The following CEP350 variants were observed in gnomAD, a reference collection of about 807,000 sequenced individuals.
CEP350 encodes centrosome-associated protein 350.
CEP350 carries 126 observed loss-of-function variants against 331.8 expected under a neutral mutation model. The observed-to-expected ratio is 0.38, with a 90% CI of 0.33 to 0.44. The LOEUF is 0.44. Among genes scored for constraint, CEP350 ranks in the 20% least tolerant of loss-of-function variants. The pLI is 1.00. For missense variants in CEP350, 3,406 were observed against 3,634.6 expected, an observed-to-expected ratio of 0.94 and a Z score of 1.62; for synonymous variants, 1,200 against 1,259.5, an observed-to-expected ratio of 0.95 and a Z score of 1.00.
intron 14 of CEP350, among the ~76,000 whole-genome samples, chr1:180,028,700 A>G (rs759620839): frequency 2.0e-5 from 3 of 152,066 alleles, no homozygotes; most frequent in Non-Finnish European, 4.4e-5. Flanking sequence ...GCTACTGGAG[A>G]GGCTCAGGTG....
chr1:180,064,821 C>A (rs1230069452), intron 26 of CEP350, among the ~76,000 whole-genome samples: 1 of 151,940 alleles, frequency 6.6e-6, no homozygotes, highest in Non-Finnish European at 1.5e-5. Flanking sequence ...TACTAGATTA[C>A]TAATAGCAGA....
chr1:180,108,018 T>A (rs1661242258), intron 37 of CEP350, among the ~76,000 whole-genome samples: 1 of 151,776 alleles, frequency 6.6e-6, no homozygotes, highest in Non-Finnish European at 1.5e-5. Context: ...TAGAGGCAAA[T>A]TTGCAGGCTA....
At chr1:179,969,638 T>C (rs1651287421) in intron 1 of CEP350, 1 of 318,136 alleles carries the variant, frequency 3.1e-6, no homozygotes, top group Non-Finnish European at 6.2e-6. Context: ...AAGTGATCAG[T>C]GTGTCTGCTT....
chr1:180,041,415 T>C (rs898379912), intron 18 of CEP350, among the ~76,000 whole-genome samples, 167 bp downstream of exon 18: 6 of 152,218 alleles, frequency 3.9e-5, no homozygotes, highest in Non-Finnish European at 7.3e-5. Flanking sequence ...TGTTACAACC[T>C]TGTGAAATAA....
chr1:180,071,706 T>A (rs961881012), intron 27 of CEP350, among the ~76,000 whole-genome samples: 1 of 151,634 alleles, frequency 6.6e-6, no homozygotes, highest in East Asian at 1.9e-4. Flanking sequence ...TCGCTGAACC[T>A]GGGAGGTGGA....
rs1284071786 is a variant in CEP350, at chr1:180,037,021, G to C, written c.4042G>C (p.Asp1348His). Residue 1348 changes from aspartate (D) to histidine (H), a missense_variant, in exon 17 of 38, where the codon GAT becomes CAT. Physicochemically the swap from Asp to His is moderately conservative, Grantham distance 81 (BLOSUM62 -1). Coordinates refer to ENST00000367607, the MANE Select transcript of CEP350 (RefSeq NM_014810.5). Reference protein sequence around the residue: ...AIEESVRQLSDVERVRGISLA... With the variant: ...AIEESVRQLSHVERVRGISLA... Reference sequence around the variant, plus strand: ...TGAGGAGTCGGTGCGCCAACTGTCAGATGTAGAAAGAGTTAGAGGCATTTC... The same window carrying C: ...TGAGGAGTCGGTGCGCCAACTGTCACATGTAGAAAGAGTTAGAGGCATTTC... The C allele has an allele frequency of 6.2e-7, 1 of 1,604,432 alleles. No individual in the cohort carries two copies. The highest frequency in any genetic ancestry group is 1.3e-5 in the African/African-American group (1 of 74,836).
chr1:180,064,097 C>G (rs1658401323), intron 26 of CEP350, among the ~76,000 whole-genome samples: 1 of 152,144 alleles, frequency 6.6e-6, no homozygotes, highest in South Asian at 2.1e-4. Flanking sequence ...CCAAGTTGGG[C>G]TATTCCCATC....
At position 180,006,537 on chromosome 1, in the gene CEP350, G is replaced by C; in HGVS notation, c.1216G>C (p.Ala406Pro). 6.5e-7 allele frequency: 1 copy of C among 1,548,504 alleles called. No homozygotes were observed. The highest frequency in any genetic ancestry group is 8.8e-7 in the Non-Finnish European group (1 of 1,141,864). ...VKPVRKVQKV[A>P]QLSSTECRTG... ...GCCAGTACGAAAAGTCCAAAAAGTA[G>C]CACAGTTATCAAGTACAGAATGCAG... The change falls in exon 8 of 38, where the codon GCA (alanine) becomes CCA (proline). Residue 406 changes from alanine (A) to proline (P), a missense_variant. Around this residue, in one of 5 missense-constraint regions of CEP350, gnomAD observed 1,857 missense variants for 1,909.2 expected, o/e 0.97. Transcript: ENST00000367607.
intron 5 of CEP350, among the ~76,000 whole-genome samples, chr1:179,992,752 A>G (rs1259852723): frequency 6.6e-6 from 1 of 152,210 alleles, no homozygotes; most frequent in Non-Finnish European, 1.5e-5. Context: ...CATAGATGAT[A>G]TAAAATGCTT....
rs770322552 is a variant in CEP350, at chr1:179,987,227, T to A, written c.74-13T>A. The A allele has an allele frequency of 2.8e-6, 4 of 1,432,724 alleles. No individual in the cohort carries two copies. In the African/African-American group the frequency reaches 4.3e-5, roughly 15 times the overall value. 88.8% of individuals were successfully genotyped at this position (1,432,724 alleles called of 1,614,324 possible). On this transcript the variant is annotated splice_polypyrimidine_tract_variant and intron_variant, in intron 2 of 37. Coordinates refer to ENST00000367607, the MANE Select transcript of CEP350 (RefSeq NM_014810.5). Reference sequence around the variant, plus strand: ...TGGTTGATTGATAAAGTAAATATCATTTTTTTTCCCAGCAGATATAACCAC... The same window carrying A: ...TGGTTGATTGATAAAGTAAATATCAATTTTTTTCCCAGCAGATATAACCAC...
intron 8 of CEP350, among the ~76,000 whole-genome samples, chr1:180,009,261 T>C (rs1177249067): frequency 6.6e-6 from 1 of 152,218 alleles, no homozygotes; most frequent in Non-Finnish European, 1.5e-5. Context: ...CCGCCTGCCT[T>C]AGCCTCCCAA....
intron 29 of CEP350, among the ~76,000 whole-genome samples, chr1:180,079,044 A>G (rs1315488341): frequency 2.0e-5 from 3 of 152,152 alleles, no homozygotes; most frequent in Non-Finnish European, 2.9e-5. Context: ...TTAATAACTT[A>G]TGTATAACTC....
At chr1:180,073,674 T>C in intron 27 of CEP350, 1 of 715,646 alleles carries the variant, frequency 1.4e-6, no homozygotes, top group East Asian at 6.7e-5. Flanking sequence ...TCACTTATAA[T>C]GTTCTTCAGG....
intron 14 of CEP350, among the ~76,000 whole-genome samples, chr1:180,029,671 T>C (rs1655888221): frequency 1.3e-5 from 2 of 152,212 alleles, no homozygotes; most frequent in African/African-American, 4.8e-5. Flanking sequence ...TTTCTGTCTC[T>C]ATGAATTTCA....
In CEP350 at chr1:180,092,891, G is replaced by A. The variant is rs1339328966; in HGVS notation, c.6786G>A (p.Glu2262=). 3 of 1,569,968 alleles carry A rather than the reference G, an allele frequency of 1.9e-6. No homozygotes were observed. The highest frequency in any genetic ancestry group is 2.6e-6 in the Non-Finnish European group (3 of 1,155,956). ...AAAAATCAGAAATAAAAGAAATAGA[G>A]TATACAAAATTGAAGAAGAGTAAGA... ...SSKKSEIKEI[E]YTKLKKSKIE... is the part of the protein sequence containing the mutation. Residue 2262 remains glutamate, a synonymous_variant, in exon 34 of 38, where the codon GAG becomes GAA. Coordinates refer to ENST00000367607, the MANE Select transcript of CEP350 (RefSeq NM_014810.5).
intron 7 of CEP350, 28 bp downstream of exon 7, chr1:180,003,315 A>T (rs1460387125): frequency 7.1e-7 from 1 of 1,408,988 alleles, no homozygotes; most frequent in Non-Finnish European, 9.8e-7. Context: ...TTATGTTTTG[A>T]GTATTTTGTC....
At chr1:179,977,096 T>C (rs1351996485) in intron 1 of CEP350, among the ~76,000 whole-genome samples, 1 of 152,220 alleles carries the variant, frequency 6.6e-6, no homozygotes, top group Non-Finnish European at 1.5e-5. Context: ...CTCTGCAGTC[T>C]GTTTTTCCGG....
At chr1:180,034,514 G>C (rs889677242) in intron 16 of CEP350, among the ~76,000 whole-genome samples, 4 of 144,998 alleles carry the variant, frequency 2.8e-5, no homozygotes, top group African/African-American at 1.0e-4. Flanking sequence ...TCATGGCATT[G>C]AACAAATTCA....
At chr1:180,035,553 T>G (rs1373875251) in intron 16 of CEP350, among the ~76,000 whole-genome samples, 1 of 152,176 alleles carries the variant, frequency 6.6e-6, no homozygotes, top group Non-Finnish European at 1.5e-5. Context: ...AGAATTAAGC[T>G]AAATCTACTC....
Sources: gnomAD v4.1 joint callset for allele counts (sites outside exome capture counted in the v4.1 genomes callset) on GRCh38, gnomAD v4.1.1 for gene constraint, gnomAD v4.1.1 regional missense constraint, MANE v1.5 for transcripts, NCBI Gene and HGNC (gene_info 2026-07-23, HGNC 2026-07-21) for gene names.